The following ETV6 variants were observed in gnomAD, a reference collection of about 807,000 sequenced individuals.
ETV6 encodes transcription factor ETV6.
Under a neutral mutation model 51.1 loss-of-function variants are expected in ETV6, and 16 were observed. That is an observed-to-expected ratio of 0.31 (90% CI 0.21 to 0.48). ETV6 has a LOEUF of 0.48. Ranked by LOEUF, ETV6 falls within the 20% of genes least tolerant of loss-of-function variation. The probability of loss-of-function intolerance (pLI) is 0.99; values close to 1 mark genes in which losing one functional copy is unlikely to be tolerated. For missense variants in ETV6, 458 were observed against 594.8 expected (o/e 0.77, Z 2.39); for synonymous variants, 240 against 224.1 (o/e 1.07, Z -0.64).
At chr12:11,839,617 C>T (rs1380130172) in intron 3 of ETV6, among the ~76,000 whole-genome samples, 1 of 152,228 alleles carries the variant, frequency 6.6e-6, no homozygotes, top group East Asian at 1.9e-4. Flanking sequence ...TGGTGGCTCA[C>T]TCCTATAATC....
At chr12:11,769,952 G>A (rs556513818) in intron 2 of ETV6, among the ~76,000 whole-genome samples, 1 of 152,264 alleles carries the variant, frequency 6.6e-6, no homozygotes, top group African/African-American at 2.4e-5. Context: ...AGAAGAATAC[G>A]ATAAGAGGAG....
At chr12:11,827,139 A>G (rs1282608490) in intron 2 of ETV6, among the ~76,000 whole-genome samples, 1 of 151,874 alleles carries the variant, frequency 6.6e-6, no homozygotes, top group Non-Finnish European at 1.5e-5. Flanking sequence ...CTTTAAATAG[A>G]AGTTGCTTCT....
chr12:11,764,222 C>T (rs1026623564), intron 2 of ETV6, among the ~76,000 whole-genome samples: 5 of 151,784 alleles, frequency 3.3e-5, no homozygotes, highest in African/African-American at 4.8e-5. Flanking sequence ...GTGGCCAGCA[C>T]GGAGTGGGTA....
chr12:11,794,899 C>T (rs1945654489), intron 2 of ETV6, among the ~76,000 whole-genome samples: 1 of 152,230 alleles, frequency 6.6e-6, no homozygotes, highest in Non-Finnish European at 1.5e-5. Context: ...ATGTCCTCTA[C>T]TTCCGTTGTA....
At chr12:11,705,841 A>G (rs1865064181) in intron 1 of ETV6, among the ~76,000 whole-genome samples, 1 of 152,250 alleles carries the variant, frequency 6.6e-6, no homozygotes, top group African/African-American at 2.4e-5. Flanking sequence ...ACCATGAGAA[A>G]GCAGGCCAGG....
chr12:11,788,637 C>T (rs1258543439), intron 2 of ETV6, among the ~76,000 whole-genome samples: 1 of 152,106 alleles, frequency 6.6e-6, no homozygotes, highest in Non-Finnish European at 1.5e-5. Context: ...CCCCACTCCC[C>T]TCCCTTCACT....
chr12:11,736,450 T>C (rs1865704267), intron 1 of ETV6, among the ~76,000 whole-genome samples: 1 of 152,230 alleles, frequency 6.6e-6, no homozygotes, highest in African/African-American at 2.4e-5. Flanking sequence ...TGTCCAGGTA[T>C]ACTTGATATT....
chr12:11,762,686 C>T (rs1171452071), intron 2 of ETV6, among the ~76,000 whole-genome samples: 1 of 152,162 alleles, frequency 6.6e-6, no homozygotes. Context: ...GACACTTATA[C>T]CATCCCCTGG....
chr12:11,850,930 C>T (rs111693527), intron 3 of ETV6, among the ~76,000 whole-genome samples: 36 of 152,380 alleles, frequency 2.4e-4, no homozygotes, highest in African/African-American at 7.7e-4. Context: ...GTCCAGGGAG[C>T]AGTGTGTGCA....
At chr12:11,817,623 T>G (rs1256174995) in intron 2 of ETV6, among the ~76,000 whole-genome samples, 1 of 152,232 alleles carries the variant, frequency 6.6e-6, no homozygotes, top group African/African-American at 2.4e-5. Context: ...CGTTCCATTT[T>G]AATGCACAAA....
chr12:11,892,697 C>T lies in ETV6; in HGVS notation c.*1651C>T, dbSNP rs1947313761. The stretch of plus-strand genomic sequence containing the variant: ...CAGCTCCTCCGGGATACATATGTGC[C>T]CTCAGCAGCAGCTCCCAGGTGAAGT... On this transcript the variant is annotated 3_prime_UTR_variant, in exon 8 of 8. Coordinates refer to ENST00000396373, the MANE Select transcript of ETV6 (RefSeq NM_001987.5). 2 of 233,094 alleles carry T rather than the reference C, an allele frequency of 8.6e-6. No individual in the cohort carries two copies. The highest frequency in any genetic ancestry group is 1.7e-5 in the Non-Finnish European group (2 of 117,952). 14.4% of individuals were successfully genotyped at this position (233,094 alleles called of 1,614,324 possible). A position where few individuals can be genotyped will look rare whatever the true frequency, so the allele number is the denominator to read the frequency against.
chr12:11,860,697 C>A (rs948498869), intron 4 of ETV6, among the ~76,000 whole-genome samples: 1 of 151,992 alleles, frequency 6.6e-6, no homozygotes, highest in Non-Finnish European at 1.5e-5. Context: ...TTGTTTCCCC[C>A]CCTCTGTTTG....
intron 3 of ETV6, among the ~76,000 whole-genome samples, chr12:11,851,816 T>C (rs936459951): frequency 3.9e-5 from 6 of 152,150 alleles, no homozygotes; most frequent in Non-Finnish European, 8.8e-5. Flanking sequence ...TCCCTTAGAA[T>C]AGGGTATCCG....
intron 1 of ETV6, among the ~76,000 whole-genome samples, chr12:11,728,473 CAT>C (rs35190447): frequency 0.29 from 43,491 of 151,928 alleles, 6,801 homozygotes; most frequent in East Asian, 0.45. Flanking sequence ...GTGAATGACA[CAT>C]GTGAGGGATC....
At chr12:11,710,119 C>A (rs1328735269) in intron 1 of ETV6, among the ~76,000 whole-genome samples, 1 of 152,218 alleles carries the variant, frequency 6.6e-6, no homozygotes, top group Non-Finnish European at 1.5e-5. Context: ...TTCTGGCCTA[C>A]ACCATGGAAG....
intron 1 of ETV6, among the ~76,000 whole-genome samples, chr12:11,726,249 G>A (rs1865486035): frequency 6.6e-6 from 1 of 152,210 alleles, no homozygotes; most frequent in Admixed American, 6.5e-5. Flanking sequence ...AGGAGTGTGA[G>A]GAGCTGAAGG....
rs79971199 is a variant in ETV6 at position 11,652,206 on chromosome 12, C to T, written c.33+2046C>T. On this transcript the variant is annotated intron_variant, in intron 1 of 7. Coordinates refer to ENST00000396373, the MANE Select transcript of ETV6 (RefSeq NM_001987.5). ...GGAAAGAATCACTTTTATTTTGGAT[C>T]GTTCTTTATGGAACGAGTATGTATT... is the stretch of plus-strand genomic sequence containing the variant. Among the ~76,000 whole-genome samples, 436 of 152,192 alleles carry T rather than the reference C, an allele frequency of 2.9e-3. 1 individual carries two copies. Among genetic ancestry groups the T allele is most frequent in the Non-Finnish European group, 4.7e-3 (319 of 68,002 alleles).
intron 1 of ETV6, among the ~76,000 whole-genome samples, chr12:11,702,480 G>A (rs1055021856): frequency 2.0e-5 from 3 of 152,110 alleles, no homozygotes; most frequent in African/African-American, 7.2e-5. Flanking sequence ...GTCTTCATGG[G>A]CTAAGTGATT....
intron 2 of ETV6, among the ~76,000 whole-genome samples, chr12:11,821,004 G>A (rs1426527418): frequency 6.6e-6 from 1 of 152,152 alleles, no homozygotes; most frequent in African/African-American, 2.4e-5. Flanking sequence ...GAAGTGGGCA[G>A]AGCTGGATAC....
Sources: allele counts gnomAD v4.1 joint callset (sites outside exome capture counted in the v4.1 genomes callset), GRCh38; gene constraint gnomAD v4.1.1; transcripts MANE v1.5; gene names NCBI Gene and HGNC (gene_info 2026-07-23, HGNC 2026-07-21).